The following ADIPOR2 variants were observed in gnomAD, a reference collection of about 807,000 sequenced individuals.
ADIPOR2 encodes adiponectin receptor protein 2.
Under a neutral mutation model 40.9 loss-of-function variants are expected in ADIPOR2, and 18 were observed. That is an observed-to-expected ratio of 0.44 (90% CI 0.30 to 0.65). ADIPOR2 has a LOEUF of 0.65. ADIPOR2 is among the 30% of genes least tolerant of loss of function. The pLI is 0.09. For missense variants in ADIPOR2, 283 were observed against 479.2 expected, an observed-to-expected ratio of 0.59 and a Z score of 3.82; for synonymous variants, 165 against 166.4, an observed-to-expected ratio of 0.99 and a Z score of 0.06.
chr12:1,775,761 C>T (rs754235531), intron 3 of ADIPOR2, among the ~76,000 whole-genome samples: 3 of 152,114 alleles, frequency 2.0e-5, no homozygotes, highest in Non-Finnish European at 1.5e-5. Flanking sequence ...GCAAAAAATT[C>T]AGTATCTTGG....
intron 1 of ADIPOR2, chr12:1,697,927 T>C (rs535786352): frequency 6.6e-5 from 10 of 152,424 alleles, no homozygotes; most frequent in Non-Finnish European, 1.3e-4. Flanking sequence ...AATCTCCATA[T>C]TGGATTTGTA....
intron 2 of ADIPOR2, among the ~76,000 whole-genome samples, chr12:1,755,891 T>C (rs868461581): frequency 1.3e-5 from 2 of 152,146 alleles, no homozygotes; most frequent in African/African-American, 4.8e-5. Context: ...ATTGTTTTAG[T>C]TTTATATAGT....
Position 1,754,512 on chromosome 12 carries a change from AAAGT to A in ADIPOR2, c.171+3_171+6del. 2 of 1,597,944 alleles carry A rather than the reference AAAGT, an allele frequency of 1.3e-6. No homozygotes were observed. Among genetic ancestry groups the A allele is most frequent in the South Asian group, 1.1e-5 (1 of 87,338 alleles). ...ATCTGTTCTATCTTCCCATCATAAA[AAAGT>A]AAGTCAAATTGGAAGAATGATAAAC... On this transcript the variant is annotated splice_donor_variant and coding_sequence_variant, in exon 2 of 8. Transcript: ENST00000357103. LOFTEE classifies it high-confidence loss of function.
At chr12:1,700,951 A>G (rs2094648940) in intron 1 of ADIPOR2, among the ~76,000 whole-genome samples, 1 of 152,154 alleles carries the variant, frequency 6.6e-6, no homozygotes, top group Non-Finnish European at 1.5e-5. Flanking sequence ...ATGAGACTAC[A>G]GAGACCAATA....
intron 2 of ADIPOR2, among the ~76,000 whole-genome samples, chr12:1,771,120 C>T (rs1340185283): frequency 6.6e-6 from 1 of 151,700 alleles, no homozygotes; most frequent in African/African-American, 2.4e-5. Context: ...GCCAGGAGTT[C>T]AGGACCAGCC....
At position 1,754,268 on chromosome 12, in the gene ADIPOR2, C is replaced by T. The variant is rs541952592; in HGVS notation, c.-76C>T. ...CTTTCATCTTCTTAGGATCAACTCA[C>T]TATCCTGAAGGTCCATTCTCCCAAG... On this transcript the variant is annotated 5_prime_UTR_variant, in exon 2 of 8. Coordinates refer to ENST00000357103, the MANE Select transcript of ADIPOR2 (RefSeq NM_024551.3). 8.0e-6 allele frequency: 11 copies of T among 1,381,896 alleles called. No homozygotes were observed. Among genetic ancestry groups the T allele is most frequent in the African/African-American group, 5.9e-5 (4 of 68,218 alleles). The allele number at this position is 1,381,896 out of a possible 1,614,324, so 85.6% of individuals were successfully genotyped here.
At chr12:1,781,704 T>G (rs1862723845) in intron 6 of ADIPOR2, among the ~76,000 whole-genome samples, 1 of 152,190 alleles carries the variant, frequency 6.6e-6, no homozygotes, top group Non-Finnish European at 1.5e-5. Flanking sequence ...TGTCTCCTAC[T>G]CAGTGTCAAG....
chr12:1,712,650 C>G (rs2094679880), intron 1 of ADIPOR2, among the ~76,000 whole-genome samples: 1 of 152,076 alleles, frequency 6.6e-6, no homozygotes, highest in African/African-American at 2.4e-5. Context: ...CTGTTTCTGC[C>G]TCTGGTTCCC....
chr12:1,693,387 A>G lies in ADIPOR2; in HGVS notation c.-87+2196A>G, dbSNP rs149983805. On this transcript the variant is annotated intron_variant, in intron 1 of 7. Transcript: ENST00000357103. ...ATGTTGAAAATTTAAATGAGTCAGA[A>G]AATTGTAAAGGAGAAAGTAAAAGTT... Among the ~76,000 whole-genome samples, 438 of 152,322 alleles carry G rather than the reference A, an allele frequency of 2.9e-3. 4 individuals carry two copies. The highest frequency in any genetic ancestry group is 9.9e-3 in the African/African-American group (411 of 41,562).
intron 1 of ADIPOR2, among the ~76,000 whole-genome samples, chr12:1,701,572 A>G (rs1368380473): frequency 1.3e-5 from 2 of 152,160 alleles, no homozygotes; most frequent in African/African-American, 4.8e-5. Flanking sequence ...TTTGATTTAT[A>G]TGAAACTGCT....
intron 1 of ADIPOR2, among the ~76,000 whole-genome samples, chr12:1,699,799 A>G (rs2094646646): frequency 6.6e-6 from 1 of 152,246 alleles, no homozygotes; most frequent in African/African-American, 2.4e-5. Context: ...TACATTTGGT[A>G]TTTAGAAATT....
intron 6 of ADIPOR2, among the ~76,000 whole-genome samples, chr12:1,782,976 CTT>C (rs71055199): frequency 4.8e-4 from 53 of 109,712 alleles, no homozygotes; most frequent in Middle Eastern, 5.1e-3. Context: ...TTCTTTCTTT[CTT>C]TTTTTTTTTT....
At chr12:1,775,189 C>A (rs975756092) in intron 3 of ADIPOR2, among the ~76,000 whole-genome samples, 1 of 152,200 alleles carries the variant, frequency 6.6e-6, no homozygotes, top group African/African-American at 2.4e-5. Context: ...TCCACATACC[C>A]AGTGGATTAT....
intron 2 of ADIPOR2, among the ~76,000 whole-genome samples, chr12:1,769,608 T>C (rs1273244137): frequency 1.3e-5 from 2 of 150,496 alleles, no homozygotes; most frequent in African/African-American, 4.9e-5. Context: ...TGGCACGATC[T>C]CGGCTCACTG....
At chr12:1,743,229 C>CAAAAAAAAAAAAA (rs552711963) in intron 1 of ADIPOR2, among the ~76,000 whole-genome samples, 17 of 55,266 alleles carry the variant, frequency 3.1e-4, no homozygotes, top group East Asian at 5.3e-4. Context: ...CCATCTCTAC[C>CAAAAAAAAAAAAA]AAAAAAAAAA....
At chr12:1,749,915 C>T (rs1222116986) in intron 1 of ADIPOR2, among the ~76,000 whole-genome samples, 1 of 148,204 alleles carries the variant, frequency 6.7e-6, no homozygotes, top group Non-Finnish European at 1.5e-5. Flanking sequence ...TAGTTCACTG[C>T]AGCCTCAAAC....
chr12:1,783,867 T>C lies in ADIPOR2; in HGVS notation c.839-13T>C. 4.5e-6 allele frequency: 7 copies of C among 1,568,392 alleles called. No homozygotes were observed. Among genetic ancestry groups the C allele is most frequent in the Non-Finnish European group, 6.1e-6 (7 of 1,154,066 alleles). On this transcript the variant is annotated splice_polypyrimidine_tract_variant and intron_variant, in intron 6 of 7. Transcript: ENST00000357103. ...TCTTCTGCATTACTTTACTCTCTTC[T>C]TGTGACTCCTAGGAGTGTTTTTGGG... is the stretch of plus-strand genomic sequence containing the variant.
At chr12:1,695,123 C>T (rs530385599) in intron 1 of ADIPOR2, among the ~76,000 whole-genome samples, 1 of 151,752 alleles carries the variant, frequency 6.6e-6, no homozygotes, top group South Asian at 2.1e-4. Flanking sequence ...TCAAGCGATC[C>T]TCCCACCTTA....
At chr12:1,737,683 A>G (rs1158449956) in intron 1 of ADIPOR2, among the ~76,000 whole-genome samples, 1 of 152,050 alleles carries the variant, frequency 6.6e-6, no homozygotes, top group Non-Finnish European at 1.5e-5. Flanking sequence ...CCTGGGTTCG[A>G]GCAATTCTTG....
Sources: allele counts gnomAD v4.1 joint callset (sites outside exome capture counted in the v4.1 genomes callset), GRCh38; gene constraint gnomAD v4.1.1; transcripts MANE v1.5; gene names NCBI Gene and HGNC (gene_info 2026-07-23, HGNC 2026-07-21).